ADCY8: variants seen among roughly 807,000 people sequenced by gnomAD.
ADCY8 encodes the protein adenylate cyclase type 8.
Under a neutral mutation model 119.7 loss-of-function variants are expected in ADCY8, and 51 were observed. The observed-to-expected ratio is 0.43, with a 90% confidence interval of 0.34 to 0.54. The LOEUF (loss-of-function observed/expected upper bound fraction) is 0.54. Ranked by LOEUF, ADCY8 falls within the 20% of genes least tolerant of loss-of-function variation. ADCY8 has a pLI of 0.03. For missense variants in ADCY8, 1,383 were observed against 1,598.8 expected (o/e 0.87, Z 2.30); for synonymous variants, 665 against 651.0 (o/e 1.02, Z -0.33).
chr8:130,841,966 C>A (rs896055963), intron 11 of ADCY8, among the ~76,000 whole-genome samples: 2 of 152,158 alleles, frequency 1.3e-5, no homozygotes, highest in African/African-American at 4.8e-5. Flanking sequence ...AGGAGGGCAT[C>A]ATAAACCTGG....
At chr8:130,835,962 C>A (rs1816973113) in intron 12 of ADCY8, among the ~76,000 whole-genome samples, 1 of 152,048 alleles carries the variant, frequency 6.6e-6, no homozygotes, top group Admixed American at 6.6e-5. Context: ...ATTGCTACAG[C>A]CAAATTACAA....
intron 12 of ADCY8, among the ~76,000 whole-genome samples, chr8:130,835,290 C>A (rs1816951612): frequency 1.3e-5 from 2 of 152,128 alleles, no homozygotes; most frequent in South Asian, 4.1e-4. Context: ...GAACTCTTGC[C>A]AATGGGAGAG....
At chr8:130,830,779 G>A (rs1816810984) in intron 12 of ADCY8, among the ~76,000 whole-genome samples, 1 of 152,188 alleles carries the variant, frequency 6.6e-6, no homozygotes, top group Non-Finnish European at 1.5e-5. Context: ...CAAAACTGAT[G>A]CTCTTATTAA....
chr8:130,901,322 C>T (rs543046278), intron 7 of ADCY8, among the ~76,000 whole-genome samples: 105 of 136,440 alleles, frequency 7.7e-4, no homozygotes, highest in African/African-American at 2.8e-3. Flanking sequence ...TGAATGAATA[C>T]ATGAGGATGT....
intron 1 of ADCY8, among the ~76,000 whole-genome samples, chr8:131,027,049 G>T (rs895457536): frequency 1.3e-5 from 2 of 152,300 alleles, no homozygotes; most frequent in East Asian, 3.9e-4. Context: ...TCCTTGGGAA[G>T]TGTGTTAAGT....
intron 1 of ADCY8, among the ~76,000 whole-genome samples, chr8:131,036,370 ATGTG>A (rs1375526380): frequency 6.6e-6 from 1 of 151,722 alleles, no homozygotes; most frequent in Non-Finnish European, 1.5e-5. Flanking sequence ...TATGATGTGT[ATGTG>A]TGTGTGTGTA....
chr8:131,002,939 C>T (rs760260293), intron 1 of ADCY8, among the ~76,000 whole-genome samples: 13 of 152,120 alleles, frequency 8.5e-5, no homozygotes, highest in Non-Finnish European at 1.3e-4. Context: ...CGGTGGCTCA[C>T]GCCTGCATCC....
chr8:130,943,358 A>G lies in ADCY8; in HGVS notation c.1346T>C (p.Leu449Pro). The stretch of plus-strand genomic sequence containing the variant: ...AAATTAAATTCAACTCACATGGGCC[A>G]GTCGATCAAATCTGGCAAAGAGCTC... Reference protein sequence around the residue: ...LNELFARFDRLAHEHHCLRIK... With the variant: ...LNELFARFDRPAHEHHCLRIK... Residue 449 changes from leucine to proline, a missense_variant, in exon 4 of 18, where the codon CTG becomes CCG. By Grantham distance (98) the Leu-to-Pro change is moderately conservative. Transcript: ENST00000286355. 6.2e-7 allele frequency: 1 copy of G among 1,612,486 alleles called. No individual in the cohort carries two copies. The highest frequency in any genetic ancestry group is 8.5e-7 in the Non-Finnish European group (1 of 1,178,736).
chr8:130,865,204 TC>T, intron 9 of ADCY8, among the ~76,000 whole-genome samples: 1 of 152,266 alleles, frequency 6.6e-6, no homozygotes, highest in African/African-American at 2.4e-5. Flanking sequence ...GGAAGAAGGC[TC>T]TGTCAATCTT....
intron 2 of ADCY8, among the ~76,000 whole-genome samples, chr8:130,967,866 C>A (rs1289682805): frequency 6.6e-6 from 1 of 152,174 alleles, no homozygotes; most frequent in Non-Finnish European, 1.5e-5. Flanking sequence ...ATGCATAAGG[C>A]AGGCCAAGGC....
intron 11 of ADCY8, among the ~76,000 whole-genome samples, chr8:130,844,752 C>T (rs1817247229): frequency 6.6e-6 from 1 of 152,160 alleles, no homozygotes; most frequent in Non-Finnish European, 1.5e-5. Context: ...GTGGTTGTTG[C>T]AGCTGGTGAA....
At chr8:130,910,451 C>A (rs745567341) in intron 5 of ADCY8, among the ~76,000 whole-genome samples, 20 of 152,102 alleles carry the variant, frequency 1.3e-4, no homozygotes, top group Admixed American at 2.0e-4. Flanking sequence ...GTCTGGGATC[C>A]CTGCCTCAGC....
intron 3 of ADCY8, among the ~76,000 whole-genome samples, chr8:130,949,036 G>A (rs1470886452): frequency 1.3e-5 from 2 of 152,078 alleles, no homozygotes; most frequent in African/African-American, 4.8e-5. Flanking sequence ...CCTAGTAACG[G>A]CTCTGAAAAC....
Position 130,839,416 on chromosome 8 carries a change from C to T in ADCY8, c.2503-2967G>A, listed in dbSNP as rs774246837. 2.2e-5 allele frequency among the ~76,000 whole-genome samples: 3 copies of T among 138,950 alleles called. 1 individual carries two copies. The highest frequency in any genetic ancestry group is 3.2e-5 in the Non-Finnish European group (2 of 61,620). The allele number at this position is 138,950 out of a possible 152,430, so 91.2% of individuals were successfully genotyped here. ...TGAACCTTTTGGAGGTGATATGAACCGTGGGACATCAAACAGAATGAGGCC... is the reference window on the plus strand; with the variant it reads ...TGAACCTTTTGGAGGTGATATGAACTGTGGGACATCAAACAGAATGAGGCC... On this transcript the variant is annotated intron_variant, in intron 11 of 17. Coordinates refer to ENST00000286355, the MANE Select transcript of ADCY8 (RefSeq NM_001115.3).
intron 1 of ADCY8, among the ~76,000 whole-genome samples, chr8:131,004,119 T>A (rs1377263676): frequency 1.3e-5 from 2 of 152,208 alleles, no homozygotes; most frequent in East Asian, 3.9e-4. Flanking sequence ...AAGAGTGAAG[T>A]CCTTGAGCAG....
At chr8:130,941,623 A>G (rs1336619978) in intron 4 of ADCY8, among the ~76,000 whole-genome samples, 1 of 152,074 alleles carries the variant, frequency 6.6e-6, no homozygotes, top group African/African-American at 2.4e-5. Context: ...CAACCCTCCT[A>G]TTAGGAGGAT....
chr8:130,996,818 C>G (rs536687186), intron 1 of ADCY8, among the ~76,000 whole-genome samples: 2 of 152,214 alleles, frequency 1.3e-5, no homozygotes, highest in Admixed American at 1.3e-4. Context: ...ATTAACAAAA[C>G]CAATCTGATA....
intron 2 of ADCY8, 45 bp downstream of exon 2, chr8:130,990,348 A>T (rs754529088): frequency 1.3e-6 from 2 of 1,595,740 alleles, no homozygotes; most frequent in Non-Finnish European, 1.7e-6. Flanking sequence ...TAATTTAGAG[A>T]CTGGCTAGGT....
intron 8 of ADCY8, among the ~76,000 whole-genome samples, chr8:130,872,020 G>A (rs1418191221): frequency 6.6e-6 from 1 of 152,076 alleles, no homozygotes; most frequent in Admixed American, 6.6e-5. Context: ...GGAAACTTGA[G>A]GATCAGAGAT....
Sources: allele counts gnomAD v4.1 joint callset (sites outside exome capture counted in the v4.1 genomes callset), GRCh38; gene constraint gnomAD v4.1.1; transcripts MANE v1.5; gene names NCBI Gene and HGNC (gene_info 2026-07-23, HGNC 2026-07-21).